Variants in DLEU7 observed in about 807,000 individuals in gnomAD.
DLEU7 encodes the protein deleted in lymphocytic leukemia 7.
A neutral mutation model predicts 16.0 loss-of-function variants in DLEU7; 17 were observed. The observed-to-expected ratio is 1.06, with a 90% CI of 0.73 to 1.59. DLEU7 has a LOEUF of 1.59. DLEU7 is among the 40% of genes most tolerant of loss of function. DLEU7 has a pLI of 0.00. For synonymous variants in DLEU7, 113 were observed against 139.8 expected (o/e 0.81, Z 1.35); for missense variants, 308 against 314.9 (o/e 0.98, Z 0.17).
downstream of DLEU7, among the ~76,000 whole-genome samples, chr13:50,820,108 T>C (rs1876852041): frequency 1.3e-5 from 2 of 152,090 alleles, no homozygotes; most frequent in Admixed American, 1.3e-4. Context: ...ATAGATCAAG[T>C]AATATGAGGA....
chr13:50,774,177 C>G (rs1331154340), intron 1 of DLEU7, among the ~76,000 whole-genome samples: 1 of 152,176 alleles, frequency 6.6e-6, no homozygotes, highest in African/African-American at 2.4e-5. Context: ...TCTGTCACAG[C>G]TTCCCTTGGC....
rs1383590702 is a variant in DLEU7, at chr13:50,799,016, G to A, written c.459+44172C>T. On this transcript the variant is annotated intron_variant, in intron 1 of 1. Coordinates refer to the DLEU7 transcript ENST00000400393. ...TCCTGGAAGTGAGGATCTTTGCTCC[G>A]AATTTTCCCTGCCTTTCCCTGGGTT... Among the ~76,000 whole-genome samples, 4 of 152,196 alleles carry A rather than the reference G, an allele frequency of 2.6e-5. No homozygotes were observed. In the South Asian group the frequency reaches 6.2e-4, roughly 24 times the overall value.
intron 1 of DLEU7, among the ~76,000 whole-genome samples, chr13:50,753,152 G>A (rs1011832644): frequency 2.0e-5 from 3 of 152,150 alleles, no homozygotes; most frequent in Admixed American, 2.0e-4. Flanking sequence ...CCTTGAGCTA[G>A]ATACAGAGTG....
rs1877743759 is a variant in DLEU7 at position 50,843,390 on chromosome 13, G to A, written c.257C>T (p.Pro86Leu). The A allele has an allele frequency of 2.2e-6, 3 of 1,346,908 alleles. No homozygotes were observed. The highest frequency in any genetic ancestry group is 2.8e-6 in the Non-Finnish European group (3 of 1,053,220). The allele number at this position is 1,346,908 out of a possible 1,614,324, so 83.4% of individuals were successfully genotyped here. A position where few individuals can be genotyped will look rare whatever the true frequency, so the allele number is the denominator to read the frequency against. Residue 86 changes from proline (P) to leucine (L), a missense_variant, in exon 1 of 2, where the codon CCA becomes CTA. Physicochemically the swap from Pro to Leu is moderately conservative, Grantham distance 98. Coordinates refer to ENST00000504404, the MANE Select transcript of DLEU7 (RefSeq NM_001306135.2). The surrounding 1 kb of genome is among the most constrained non-coding windows in gnomAD (Gnocchi z 5.7). The stretch of plus-strand genomic sequence containing the variant: ...AGCGCCTCGCACTACCTCCTCCTCT[G>A]GGGAGTTCGCCCGCGCCGCGGTCCG... ...SRRTAARANS[P>L]EEEVVRGAEG...
intron 1 of DLEU7, among the ~76,000 whole-genome samples, chr13:50,832,118 C>T (rs533228082): frequency 3.4e-4 from 52 of 152,098 alleles, no homozygotes; most frequent in African/African-American, 1.2e-3. Flanking sequence ...TGGTCCTGGG[C>T]TTTTTTTAGT....
chr13:50,805,823 C>G (rs928347349), intron 1 of DLEU7, among the ~76,000 whole-genome samples: 1 of 152,166 alleles, frequency 6.6e-6, no homozygotes, highest in African/African-American at 2.4e-5. Context: ...AGCCCATTGG[C>G]TAGCTTTCTT....
Position 50,765,952 on chromosome 13 carries a change from T to C in DLEU7, c.460-52712A>G, listed in dbSNP as rs561052424. Among the ~76,000 whole-genome samples the C allele has an allele frequency of 2.0e-5, 3 of 152,348 alleles. No individual in the cohort carries two copies. In the South Asian group the frequency reaches 6.2e-4, roughly 32 times the overall value. On this transcript the variant is annotated intron_variant, in intron 1 of 1. Transcript: ENST00000400393. Reference sequence around the variant, plus strand: ...TTTAGTGATGAATTCCCATTTCATCTAATGTGGTTTCTACTTGACATTAGC... The same window carrying C: ...TTTAGTGATGAATTCCCATTTCATCCAATGTGGTTTCTACTTGACATTAGC...
chr13:50,761,281 A>G (rs58698363), intron 1 of DLEU7, among the ~76,000 whole-genome samples: 2 of 152,310 alleles, frequency 1.3e-5, no homozygotes, highest in East Asian at 3.9e-4. Flanking sequence ...GTGTCAGCTG[A>G]AGTTCAGCCA....
chr13:50,727,409 C>T (rs2137712994), intron 1 of DLEU7, among the ~76,000 whole-genome samples: 1 of 152,220 alleles, frequency 6.6e-6, no homozygotes, highest in African/African-American at 2.4e-5. Context: ...CAACCAAATA[C>T]TAATTTGTTC....
At chr13:50,789,377 TGTGAATGTTTCTTTTTCTTTAAGAAAATG>T (rs1470377703) in intron 1 of DLEU7, among the ~76,000 whole-genome samples, 1 of 147,748 alleles carries the variant, frequency 6.8e-6, no homozygotes, top group Non-Finnish European at 1.5e-5. Context: ...AAACATTCAG[TGTGAATGTTTCTTTTTCTTTAAGAAAATG>T]GAACTTGACA....
intron 1 of DLEU7, among the ~76,000 whole-genome samples, chr13:50,751,763 G>T (rs1011186309): frequency 6.6e-6 from 1 of 152,128 alleles, no homozygotes; most frequent in South Asian, 2.1e-4. Context: ...GTATTTCAGC[G>T]ATGTCAGTTA....
chr13:50,823,651 C>T lies in DLEU7; in HGVS notation c.460-131G>A, dbSNP rs142391257. On this transcript the variant is annotated intron_variant, in intron 1 of 1. Coordinates refer to ENST00000504404, the MANE Select transcript of DLEU7 (RefSeq NM_001306135.2). The stretch of plus-strand genomic sequence containing the variant: ...TCTGGTTTTTTTTTTTCTTGGAAAA[C>T]TACACCCCATTCTTAGCCTATGCAG... The T allele has an allele frequency of 3.7e-6, 4 of 1,087,462 alleles. No homozygotes were observed. In the East Asian group the frequency reaches 7.8e-5, roughly 21 times the overall value. 67.4% of individuals were successfully genotyped at this position (1,087,462 alleles called of 1,614,324 possible). A position where few individuals can be genotyped will look rare whatever the true frequency, so the allele number is the denominator to read the frequency against.
chr13:50,782,403 G>C (rs1221411407), intron 1 of DLEU7, among the ~76,000 whole-genome samples: 2 of 152,120 alleles, frequency 1.3e-5, no homozygotes, highest in Non-Finnish European at 2.9e-5. Flanking sequence ...CTAAGATTCT[G>C]TTGTTGGCAG....
chr13:50,757,032 C>T (rs887284829), intron 1 of DLEU7, among the ~76,000 whole-genome samples: 9 of 152,204 alleles, frequency 5.9e-5, no homozygotes, highest in African/African-American at 2.2e-4. Flanking sequence ...GAGGGTTTCC[C>T]TTTCCCACTT....
chr13:50,788,233 G>A (rs1243856719), intron 1 of DLEU7, among the ~76,000 whole-genome samples: 4 of 152,076 alleles, frequency 2.6e-5, no homozygotes, highest in African/African-American at 9.7e-5. Flanking sequence ...TATCCTGGTT[G>A]GAGCCTGGCT....
intron 1 of DLEU7, among the ~76,000 whole-genome samples, chr13:50,763,236 A>G (rs914596666): frequency 1.3e-5 from 2 of 152,150 alleles, no homozygotes; most frequent in Admixed American, 1.3e-4. Context: ...ATTCATTGTA[A>G]TAAGGAGGCT....
downstream of DLEU7, chr13:50,711,601 C>G (rs1160166781): frequency 2.6e-5 from 4 of 152,284 alleles, no homozygotes; most frequent in South Asian, 4.1e-4. Context: ...TGGCCTGGAG[C>G]CTTATCACGC....
chr13:50,834,595 G>C (rs1410541322), intron 1 of DLEU7, among the ~76,000 whole-genome samples: 5 of 152,164 alleles, frequency 3.3e-5, no homozygotes, highest in Non-Finnish European at 5.9e-5. Flanking sequence ...CTGTTGGTGG[G>C]AGTGTAAATT....
chr13:50,749,715 T>C (rs1490675931), intron 1 of DLEU7, among the ~76,000 whole-genome samples: 1 of 152,002 alleles, frequency 6.6e-6, no homozygotes, highest in Non-Finnish European at 1.5e-5. Flanking sequence ...TTTCATACAT[T>C]TGTTTGGCCA....
Sources: allele counts gnomAD v4.1 joint callset (sites outside exome capture counted in the v4.1 genomes callset), GRCh38; gene constraint gnomAD v4.1.1; non-coding constraint Gnocchi (gnomAD v3.1); transcripts MANE v1.5; gene names NCBI Gene and HGNC (gene_info 2026-07-23, HGNC 2026-07-21).